Variants in MAN2B1 observed in about 807,000 individuals in gnomAD.
MAN2B1 encodes the protein lysosomal alpha-mannosidase.
Under a neutral mutation model 127.5 loss-of-function variants are expected in MAN2B1, and 99 were observed. That is an observed-to-expected ratio of 0.78 (90% CI 0.66 to 0.92). The LOEUF (loss-of-function observed/expected upper bound fraction) is 0.92, where lower values mean the gene tolerates loss of function less well. MAN2B1 is among the 40% of genes least tolerant of loss of function. The pLI is 0.00. For missense variants in MAN2B1, 1,304 were observed against 1,384.8 expected (o/e 0.94, Z 0.93); for synonymous variants, 573 against 568.8 (o/e 1.01, Z -0.11).
intron 14 of MAN2B1, among the ~76,000 whole-genome samples, chr19:12,654,599 CTTCTT>C (rs1315553841): frequency 1.3e-5 from 2 of 152,196 alleles, no homozygotes; most frequent in Non-Finnish European, 2.9e-5. Flanking sequence ...AACGTTTTAA[CTTCTT>C]TTATTTTATT....
Position 12,658,309 on chromosome 19 carries a change from T to C in MAN2B1, c.1145A>G (p.Asp382Gly). 1 of 1,614,130 alleles carries C rather than the reference T, an allele frequency of 6.2e-7. No homozygotes were observed. The change falls in exon 9 of 24, where the codon GAT becomes GGT. Residue 382 changes from aspartate to glycine, a missense_variant. By Grantham distance (94) the Asp-to-Gly change is moderately conservative (BLOSUM62 -1). Transcript: ENST00000456935. ...ACCGGTCCAGAACTGGTGGGGGCCA[T>C]CCGCGTAAGGGAAGAAGTCGTCATG... ...VKHDDFFPYA[D>G]GPHQFWTGYF...
chr19:12,658,209 C>T lies in MAN2B1; in HGVS notation c.1230+15G>A, dbSNP rs2024019027. Reference sequence around the variant, plus strand: ...CTCGGGGCTGCATGCCCCCTCTAGCCCGGCTCCTACCCACCTGCAGGAAGT... The same window carrying T: ...CTCGGGGCTGCATGCCCCCTCTAGCTCGGCTCCTACCCACCTGCAGGAAGT... On this transcript the variant is annotated intron_variant, in intron 9 of 23. Coordinates refer to ENST00000456935, the MANE Select transcript of MAN2B1 (RefSeq NM_000528.4). The T allele has an allele frequency of 1.2e-6, 2 of 1,613,920 alleles. No individual in the cohort carries two copies. The highest frequency in any genetic ancestry group is 1.7e-5 in the Admixed American group (1 of 60,018).
chr19:12,648,963 C>G (rs983135391), intron 20 of MAN2B1, among the ~76,000 whole-genome samples, 173 bp downstream of exon 20: 10 of 152,138 alleles, frequency 6.6e-5, no homozygotes, highest in Admixed American at 4.6e-4. Flanking sequence ...CTATTGCACT[C>G]CAGCTTGGAC....
At chr19:12,651,926 C>T (rs925638590) in intron 16 of MAN2B1, among the ~76,000 whole-genome samples, 3 of 152,180 alleles carry the variant, frequency 2.0e-5, no homozygotes, top group Non-Finnish European at 2.9e-5. Flanking sequence ...ATGTGAATGG[C>T]TTTGTATGAT....
chr19:12,647,481 C>G lies in MAN2B1; in HGVS notation c.2782G>C (p.Gly928Arg), dbSNP rs754733253. ...EHQFAVGEDS[G>R]RNLSAPVTLN... ...GTAACGGGGGCGCTCAGGTTACGTC[C>G]GGAATCCTCTCCTACGGCAAACTGG... Residue 928 changes from glycine to arginine, a missense_variant, in exon 22 of 24, where the codon GGA (glycine) becomes CGA (arginine). Transcript: ENST00000456935. This position sits in a 1 kb window ranked among gnomAD's most constrained non-coding sequence, Gnocchi z 4.9. The G allele has an allele frequency of 7.3e-5, 118 of 1,614,110 alleles. 1 individual carries two copies. In the Admixed American group the frequency reaches 2.0e-3, roughly 27 times the overall value.
At position 12,664,976 on chromosome 19, in the gene MAN2B1, T is replaced by C. The variant is rs761728949; in HGVS notation, c.446A>G (p.Glu149Gly). The C allele has an allele frequency of 1.2e-6, 2 of 1,613,538 alleles. No homozygotes were observed. Among genetic ancestry groups the C allele is most frequent in the Non-Finnish European group, 1.7e-6 (2 of 1,180,032 alleles). ...VRDLVRQGRLEFANGGWVMND... is the reference protein window; with the variant it reads ...VRDLVRQGRLGFANGGWVMND... ...CATCACCCAGCCACCATTGGCGAACTCCAGGCGCCCTGTGCCAGGACAGGC... is the reference window on the plus strand; with the variant it reads ...CATCACCCAGCCACCATTGGCGAACCCCAGGCGCCCTGTGCCAGGACAGGC... Residue 149 changes from glutamate (E) to glycine (G), a missense_variant, in exon 4 of 24, where the codon GAG becomes GGG. Physicochemically the swap from Glu to Gly is moderately conservative, Grantham distance 98. Transcript: ENST00000456935.
chr19:12,661,155 GAAC>G, intron 7 of MAN2B1, 102 bp downstream of exon 7: 1 of 815,982 alleles, frequency 1.2e-6, no homozygotes, highest in Non-Finnish European at 2.2e-6. Context: ...GACCACAATA[GAAC>G]AATAGAAAAC....
rs1230481600 is a variant in MAN2B1, at chr19:12,647,618, G to A, written c.2665-20C>T. ...TGAGAACTGCGGGAGAGAGGGCGGG[G>A]CTGAGTTGGAGAGGGGCGGGGCCTG... On this transcript the variant is annotated intron_variant, in intron 21 of 23. Transcript: ENST00000456935. This position sits in a 1 kb window ranked among gnomAD's most constrained non-coding sequence, Gnocchi z 4.9. 6.2e-7 allele frequency: 1 copy of A among 1,606,060 alleles called. No individual in the cohort carries two copies. The highest frequency in any genetic ancestry group is 8.5e-7 in the Non-Finnish European group (1 of 1,175,596).
At chr19:12,648,100 G>A (rs2023738201) in intron 21 of MAN2B1, 75 bp downstream of exon 21, 1 of 1,402,194 alleles carries the variant, frequency 7.1e-7, no homozygotes. Flanking sequence ...GCTGAGCCTA[G>A]GAAACTCCGC....
intron 7 of MAN2B1, 36 bp downstream of exon 7, chr19:12,661,224 A>T: frequency 1.4e-6 from 2 of 1,456,992 alleles, no homozygotes; most frequent in Non-Finnish European, 1.9e-6. Flanking sequence ...GCAAGCGCAC[A>T]TGTGCACAAG....
chr19:12,652,112 C>T (rs1228379773), intron 16 of MAN2B1, 41 bp downstream of exon 16: 7 of 1,496,474 alleles, frequency 4.7e-6, no homozygotes, highest in Non-Finnish European at 6.5e-6. Context: ...TCCATAACTT[C>T]CCCATTCCCA....
chr19:12,647,419 C>T lies in MAN2B1; in HGVS notation c.2820+24G>A, dbSNP rs772275417. ...CCTCTCTCTTGCCTCTCTCCGATCTCCTTCTCAATTTTGCCCTTCTCACCC... is the reference window on the plus strand; with the variant it reads ...CCTCTCTCTTGCCTCTCTCCGATCTTCTTCTCAATTTTGCCCTTCTCACCC... On this transcript the variant is annotated intron_variant, in intron 22 of 23. Transcript: ENST00000456935. The surrounding 1 kb of genome is among the most constrained non-coding windows in gnomAD (Gnocchi z 4.9). The T allele has an allele frequency of 6.2e-7, 1 of 1,613,916 alleles. No individual in the cohort carries two copies. Among genetic ancestry groups the T allele is most frequent in the South Asian group, 1.1e-5 (1 of 91,080 alleles).
At position 12,652,179 on chromosome 19, in the gene MAN2B1, G is replaced by T; in HGVS notation, c.2020C>A (p.Arg674Ser). Reference protein sequence around the residue: ...PNQQKPLPVSRWAQIHLVKTP... With the variant: ...PNQQKPLPVSSWAQIHLVKTP... ...TTCACCAGGTGGATCTGAGCCCAGC[G>T]GCTCACAGGCAGCGGTTTCTGTTGG... Residue 674 changes from arginine to serine, a missense_variant, in exon 16 of 24, where the codon CGC becomes AGC. Transcript: ENST00000456935. 1 of 1,614,054 alleles carries T rather than the reference G, an allele frequency of 6.2e-7. No individual in the cohort carries two copies.
chr19:12,650,050 G>A lies in MAN2B1; in HGVS notation c.2166-36C>T, dbSNP rs201380558. 1.6e-3 allele frequency: 2,507 copies of A among 1,610,648 alleles called. 12 individuals are homozygous for A. Among genetic ancestry groups the A allele is most frequent in the South Asian group, 3.4e-3 (313 of 91,008 alleles). ...TGGGATGGCAAGGTTGTGAGCCTTG[G>A]ATAAACCCCTCTGCCCTTGCTTCCA... On this transcript the variant is annotated intron_variant, in intron 17 of 23. Transcript: ENST00000456935.
intron 1 of MAN2B1, 97 bp downstream of exon 1, chr19:12,666,446 C>A: frequency 7.4e-7 from 1 of 1,360,114 alleles, no homozygotes. Flanking sequence ...ATCAGCCATT[C>A]ACTAGACACC....
chr19:12,660,911 A>G (rs1229803679), intron 7 of MAN2B1: 1 of 344,742 alleles, frequency 2.9e-6, no homozygotes, highest in Non-Finnish European at 5.7e-6. Flanking sequence ...GGCACGCACC[A>G]TCACACCCAG....
rs2023858143 is a variant in MAN2B1, at chr19:12,652,352, T to A, written c.1928+11A>T. The A allele has an allele frequency of 6.2e-7, 1 of 1,613,126 alleles. No homozygotes were observed. The highest frequency in any genetic ancestry group is 1.7e-5 in the Admixed American group (1 of 59,960). ...ACCACCCCACCCTCAGGCCTGGTGA[T>A]CTTCCCTTACCAGAAGAAGGTCTGG... On this transcript the variant is annotated intron_variant, in intron 15 of 23. Transcript: ENST00000456935.
At chr19:12,649,112 C>T (rs1374320643) in intron 20 of MAN2B1, 24 bp downstream of exon 20, 4 of 1,605,796 alleles carry the variant, frequency 2.5e-6, no homozygotes, top group East Asian at 2.2e-5. Context: ...GACCCTGGCT[C>T]GGATGGGGCT....
At chr19:12,660,938 T>C in intron 7 of MAN2B1, 3 of 349,752 alleles carry the variant, frequency 8.6e-6, no homozygotes, top group Non-Finnish European at 1.7e-5. Context: ...TCTGTATTTT[T>C]AGTAGAGACA....
Sources: allele counts gnomAD v4.1 joint callset (sites outside exome capture counted in the v4.1 genomes callset), GRCh38; gene constraint gnomAD v4.1.1; non-coding constraint Gnocchi (gnomAD v3.1); transcripts MANE v1.5; gene names NCBI Gene and HGNC (gene_info 2026-07-23, HGNC 2026-07-21).